FAM221B: variants seen among roughly 807,000 people sequenced by gnomAD.
FAM221B encodes family with sequence similarity 221 member B, also known as protein FAM221B.
Under a neutral mutation model 39.8 loss-of-function variants are expected in FAM221B, and 35 were observed. That is an observed-to-expected ratio of 0.88 (90% CI 0.67 to 1.17). FAM221B has a LOEUF of 1.17. FAM221B is among the 50% of genes most tolerant of loss of function. The pLI, the probability that FAM221B is intolerant of heterozygous loss-of-function variation, is 0.00. For missense variants in FAM221B, 479 were observed against 503.1 expected (o/e 0.95, Z 0.46); for synonymous variants, 158 against 178.1 (o/e 0.89, Z 0.90).
chr9:35,821,719 C>T, intron 3 of FAM221B: 1 of 824,652 alleles, frequency 1.2e-6, no homozygotes, highest in East Asian at 5.3e-5. Flanking sequence ...AGTCCAAGCA[C>T]TAGTGTAGGA....
At position 35,828,639 on chromosome 9, in the gene FAM221B, G is replaced by A. The variant is rs1588106521; in HGVS notation, c.-177C>T. 1.0e-6 allele frequency: 1 copy of A among 985,584 alleles called. No individual in the cohort carries two copies. 61.1% of individuals were successfully genotyped at this position (985,584 alleles called of 1,614,324 possible). A position where few individuals can be genotyped will look rare whatever the true frequency, so the allele number is the denominator to read the frequency against. Reference sequence around the variant, plus strand: ...AGTCTGCTATCTGGGAAGGGGACTTGGATATCTGCAGAACTTCGCAAAGGA... The same window carrying A: ...AGTCTGCTATCTGGGAAGGGGACTTAGATATCTGCAGAACTTCGCAAAGGA... On this transcript the variant is annotated 5_prime_UTR_variant, in exon 1 of 7. Coordinates refer to ENST00000423537, the MANE Select transcript of FAM221B (RefSeq NM_001012446.4). The surrounding 1 kb of genome is among the most constrained non-coding windows in gnomAD (Gnocchi z 4.5).
chr9:35,827,215 A>G (rs1005057877), intron 1 of FAM221B, among the ~76,000 whole-genome samples: 4 of 152,142 alleles, frequency 2.6e-5, no homozygotes, highest in Non-Finnish European at 4.4e-5. Flanking sequence ...ATAGGCACCA[A>G]TAACTCTATT....
At chr9:35,821,778 A>T (rs1394594643) in intron 3 of FAM221B, 3 of 391,954 alleles carry the variant, frequency 7.7e-6, no homozygotes, top group South Asian at 4.2e-5. Context: ...GAACAGGGAG[A>T]CTGGCAACTA....
rs2132132205 is a variant in FAM221B, at chr9:35,817,101, C to T, written c.*1368G>A. The T allele has an allele frequency of 6.6e-6, 1 of 152,338 alleles. No homozygotes were observed. Among genetic ancestry groups the T allele is most frequent in the Middle Eastern group, 3.4e-3 (1 of 294 alleles). The allele number at this position is 152,338 out of a possible 1,614,324, so 9.4% of individuals were successfully genotyped here. ...CAGAGGTTATTCCTGTTTTACAGGT[C>T]CAGAAACTCAGCCTAAAGAGGGACA... On this transcript the variant is annotated 3_prime_UTR_variant, in exon 7 of 7. Transcript: ENST00000423537.
rs1427608646 is a variant in FAM221B, at chr9:35,825,758, T to C, written c.404A>G (p.Asn135Ser). 1.9e-6 allele frequency: 3 copies of C among 1,614,154 alleles called. No homozygotes were observed. Among genetic ancestry groups the C allele is most frequent in the East Asian group, 2.2e-5 (1 of 44,876 alleles). The change falls in exon 2 of 7, where the codon AAT (asparagine) becomes AGT (serine). Residue 135 changes from asparagine (N) to serine (S), a missense_variant. Asn to Ser is a conservative substitution (Grantham distance 46). Transcript: ENST00000423537. The surrounding 1 kb of genome is among the most constrained non-coding windows in gnomAD (Gnocchi z 4.2). ...AGACCTCCTTGTCCATGGGACCTCA[T>C]TGGAAGAAGACTCAGAGGAGAGGTC... ...KEDLSSESSSNEVPWTRRSTH... is the reference protein window; with the variant it reads ...KEDLSSESSSSEVPWTRRSTH...
intron 1 of FAM221B, among the ~76,000 whole-genome samples, chr9:35,827,976 G>C (rs1011942329): frequency 3.9e-5 from 6 of 152,044 alleles, no homozygotes; most frequent in Admixed American, 2.6e-4. Flanking sequence ...AAATTGGGTG[G>C]AGGAGGAGAG....
At position 35,819,951 on chromosome 9, in the gene FAM221B, C is replaced by T; in HGVS notation, c.792G>A (p.Arg264=). 1 of 1,614,156 alleles carries T rather than the reference C, an allele frequency of 6.2e-7. No individual in the cohort carries two copies. The highest frequency in any genetic ancestry group is 8.5e-7 in the Non-Finnish European group (1 of 1,180,014). ...AAAAGCATCTGGACTCATCCCCAAT[C>T]CGGAAACAGTCCCATAGGTAATGGG... ...RCPHYLWDCF[R]IGDESRCFCG... Residue 264 remains arginine, a synonymous_variant, in exon 4 of 7, where the codon CGG becomes CGA. Coordinates refer to ENST00000423537, the MANE Select transcript of FAM221B (RefSeq NM_001012446.4).
rs1564010778 is a variant in FAM221B at position 35,828,339 on chromosome 9, ACTACTACT to A, written c.-1+116_-1+123del. 58 of 151,406 alleles carry A rather than the reference ACTACTACT, an allele frequency of 3.8e-4. 4 individuals carry two copies. The highest frequency in any genetic ancestry group is 6.2e-4 in the Non-Finnish European group (47 of 75,988). The allele number at this position is 151,406 out of a possible 1,614,324, so 9.4% of individuals were successfully genotyped here. On this transcript the variant is annotated intron_variant, in intron 1 of 6. Coordinates refer to ENST00000423537, the MANE Select transcript of FAM221B (RefSeq NM_001012446.4). This position sits in a 1 kb window ranked among gnomAD's most constrained non-coding sequence, Gnocchi z 4.5. ...AACAACAACAACAACAACAACTACT[ACTACTACT>A]ACTACTACTACTACTACTACTACTA...
intron 1 of FAM221B, 22 bp from the exon 2 acceptor site, chr9:35,826,183 G>T (rs1324602852): frequency 6.5e-7 from 1 of 1,531,260 alleles, no homozygotes; most frequent in Non-Finnish European, 8.8e-7. Flanking sequence ...ACAGGGTACA[G>T]GCTTCATTAG....
Position 35,816,477 on chromosome 9 carries a change from CTTT to C in FAM221B, c.*1989_*1991del, listed in dbSNP as rs1452749312. 1 of 148,546 alleles carries C rather than the reference CTTT, an allele frequency of 6.7e-6. No homozygotes were observed. The highest frequency in any genetic ancestry group is 1.5e-5 in the Non-Finnish European group (1 of 67,306). The allele number at this position is 148,546 out of a possible 1,614,324, so 9.2% of individuals were successfully genotyped here. ...ATGAATAACATTTGGTGTTTCCTGT[CTTT>C]TTTTCATAATATGTAATATGTATTG... On this transcript the variant is annotated 3_prime_UTR_variant, in exon 7 of 7. Transcript: ENST00000423537.
rs1184902705 is a variant in FAM221B, at chr9:35,819,365, A to C, written c.883T>G (p.Cys295Gly). The change falls in exon 5 of 7, where the codon TGC becomes GGC. Residue 295 changes from cysteine (C) to glycine (G), a missense_variant. By Grantham distance (159) the Cys-to-Gly change is radical. Transcript: ENST00000423537. ...DISVPCKVSQCRCFMFCFIPS... is the reference protein window; with the variant it reads ...DISVPCKVSQGRCFMFCFIPS... ...ATAAAGCAGAACATGAAGCAGCGGC[A>C]CTGGCTTACCTTGCAGGGCACCGAT... 13 of 1,551,718 alleles carry C rather than the reference A, an allele frequency of 8.4e-6. No homozygotes were observed. In the Admixed American group the frequency reaches 2.0e-4, roughly 23 times the overall value.
In FAM221B at chr9:35,825,183, A is replaced by T. The variant is rs1412090972; in HGVS notation, c.742+47T>A. The T allele has an allele frequency of 2.5e-6, 4 of 1,608,452 alleles. No individual in the cohort carries two copies. Among genetic ancestry groups the T allele is most frequent in the Non-Finnish European group, 3.4e-6 (4 of 1,176,312 alleles). ...GTTCCCAGATCTTTTGGATTAGAGGATGCCCATGGGCCTGTCACAGGCCTC... is the reference window on the plus strand; with the variant it reads ...GTTCCCAGATCTTTTGGATTAGAGGTTGCCCATGGGCCTGTCACAGGCCTC... On this transcript the variant is annotated intron_variant, in intron 3 of 6. Transcript: ENST00000423537. The surrounding 1 kb of genome is among the most constrained non-coding windows in gnomAD (Gnocchi z 4.2).
Position 35,825,867 on chromosome 9 carries a change from A to G in FAM221B, c.295T>C (p.Ser99Pro). Residue 99 changes from serine (S) to proline (P), a missense_variant, in exon 2 of 7, where the codon TCA becomes CCA. Transcript: ENST00000423537. The surrounding 1 kb of genome is among the most constrained non-coding windows in gnomAD (Gnocchi z 4.2). ...TYEASLDSPI[S>P]VVPEKHLTLP... is the part of the protein sequence containing the mutation. ...GTAAGGTGTTTCTCTGGCACCACTG[A>G]GATGGGACTATCCAATGAAGCCTCA... is the stretch of plus-strand genomic sequence containing the variant. The G allele has an allele frequency of 6.2e-7, 1 of 1,614,128 alleles. No individual in the cohort carries two copies. Among genetic ancestry groups the G allele is most frequent in the Middle Eastern group, 1.6e-4 (1 of 6,062 alleles).
intron 3 of FAM221B, among the ~76,000 whole-genome samples, chr9:35,820,605 A>C (rs1289423012): frequency 6.6e-6 from 1 of 152,158 alleles, no homozygotes; most frequent in Non-Finnish European, 1.5e-5. Flanking sequence ...TCCTGGTGCT[A>C]TTGTACCAAT....
rs996584120 is a variant in FAM221B at position 35,819,502 on chromosome 9, T to C, written c.854-108A>G. 8 of 1,051,012 alleles carry C rather than the reference T, an allele frequency of 7.6e-6. No homozygotes were observed. The Admixed American group carries it at 1.7e-4, about 22-fold the overall frequency. 65.1% of individuals were successfully genotyped at this position (1,051,012 alleles called of 1,614,324 possible). ...CCCCTATGCACGCAGACATGCTTTT[T>C]TTTTTTTTGAGATGGAGTTTTGCTC... On this transcript the variant is annotated intron_variant, in intron 4 of 6. Coordinates refer to ENST00000423537, the MANE Select transcript of FAM221B (RefSeq NM_001012446.4).
At chr9:35,821,606 A>T in intron 3 of FAM221B, 1 of 1,367,726 alleles carries the variant, frequency 7.3e-7, no homozygotes, top group Non-Finnish European at 9.8e-7. Flanking sequence ...CCAGGATTCC[A>T]CTAGAGGAGT....
intron 4 of FAM221B, among the ~76,000 whole-genome samples, chr9:35,819,629 A>G (rs1401192469): frequency 6.6e-6 from 1 of 151,930 alleles, no homozygotes; most frequent in African/African-American, 2.4e-5. Context: ...AGTAGCTGGG[A>G]CTACAGGTGC....
Position 35,818,381 on chromosome 9 carries a change from G to T in FAM221B, c.*88C>A. 1 of 1,256,790 alleles carries T rather than the reference G, an allele frequency of 8.0e-7. No homozygotes were observed. 77.9% of individuals were successfully genotyped at this position (1,256,790 alleles called of 1,614,324 possible). A position where few individuals can be genotyped will look rare whatever the true frequency, so the allele number is the denominator to read the frequency against. ...GGTGTCAACTCTAAGTTATTAGGCA[G>T]TCTCTCCCTGGGCTGGGATCTACCT... On this transcript the variant is annotated 3_prime_UTR_variant, in exon 7 of 7. Transcript: ENST00000423537.
intron 3 of FAM221B, among the ~76,000 whole-genome samples, chr9:35,821,218 A>G (rs1319338925): frequency 6.6e-6 from 1 of 152,190 alleles, no homozygotes; most frequent in South Asian, 2.1e-4. Flanking sequence ...CGTATCTCTC[A>G]TCCTAGCACA....
Sources: allele counts gnomAD v4.1 joint callset (sites outside exome capture counted in the v4.1 genomes callset), GRCh38; gene constraint gnomAD v4.1.1; non-coding constraint Gnocchi (gnomAD v3.1); transcripts MANE v1.5; gene names NCBI Gene and HGNC (gene_info 2026-07-23, HGNC 2026-07-21).